Variants in SPOCK3 observed in about 807,000 individuals in gnomAD.
The protein encoded by SPOCK3 is testican-3.
SPOCK3 carries 30 observed loss-of-function variants against 56.6 expected under a neutral mutation model. That is an observed-to-expected ratio of 0.53 (90% CI 0.40 to 0.72). The LOEUF (loss-of-function observed/expected upper bound fraction) is 0.72. Ranked by LOEUF, SPOCK3 falls within the 30% of genes least tolerant of loss-of-function variation. The pLI is 0.00. For missense variants in SPOCK3, 527 were observed against 530.0 expected (o/e 0.99, Z 0.06); for synonymous variants, 196 against 183.3 (o/e 1.07, Z -0.56).
At chr4:167,096,619 T>C (rs1759178932) in intron 2 of SPOCK3, among the ~76,000 whole-genome samples, 1 of 151,988 alleles carries the variant, frequency 6.6e-6, no homozygotes, top group Non-Finnish European at 1.5e-5. Flanking sequence ...TCTGAGAACA[T>C]ATTTTCAATT....
At chr4:167,111,835 G>A (rs2150348281) in intron 2 of SPOCK3, among the ~76,000 whole-genome samples, 1 of 151,666 alleles carries the variant, frequency 6.6e-6, no homozygotes, top group African/African-American at 2.4e-5. Flanking sequence ...ACGACTCACT[G>A]CAGCCTTGAT....
intron 6 of SPOCK3, among the ~76,000 whole-genome samples, chr4:166,871,123 A>G (rs1732419792): frequency 6.6e-6 from 1 of 152,124 alleles, no homozygotes; most frequent in Non-Finnish European, 1.5e-5. Flanking sequence ...CAGTGTGAGA[A>G]TGGACTAATA....
chr4:166,962,574 G>A (rs1744256571), intron 4 of SPOCK3, among the ~76,000 whole-genome samples: 1 of 152,100 alleles, frequency 6.6e-6, no homozygotes, highest in Non-Finnish European at 1.5e-5. Flanking sequence ...AGGAAAGGAA[G>A]AGAAAGAAGA....
intron 6 of SPOCK3, among the ~76,000 whole-genome samples, chr4:166,839,113 T>C (rs983340103): frequency 7.9e-5 from 12 of 152,148 alleles, no homozygotes; most frequent in African/African-American, 2.9e-4. Flanking sequence ...GGTACTAATT[T>C]GTAAGACTCT....
intron 2 of SPOCK3, among the ~76,000 whole-genome samples, chr4:167,072,506 G>T (rs899669426): frequency 6.6e-6 from 1 of 151,732 alleles, no homozygotes; most frequent in Non-Finnish European, 1.5e-5. Flanking sequence ...AAATGAGAAA[G>T]CAATATTTAA....
intron 6 of SPOCK3, among the ~76,000 whole-genome samples, chr4:166,836,744 T>C (rs1746661928): frequency 6.6e-6 from 1 of 152,238 alleles, no homozygotes; most frequent in South Asian, 2.1e-4. Context: ...GAGTACTTTC[T>C]GACCAGGTTC....
chr4:167,058,799 A>C (rs1755218752), intron 3 of SPOCK3, among the ~76,000 whole-genome samples: 1 of 152,220 alleles, frequency 6.6e-6, no homozygotes, highest in Admixed American at 6.5e-5. Context: ...GTACCAAAAC[A>C]GAGATATAGA....
At chr4:167,094,833 T>A (rs1007200335) in intron 2 of SPOCK3, among the ~76,000 whole-genome samples, 13 of 152,086 alleles carry the variant, frequency 8.5e-5, no homozygotes, top group Non-Finnish European at 1.8e-4. Context: ...TCCAGAATAA[T>A]GTACATAGAG....
chr4:167,057,576 A>G (rs1291838280), intron 3 of SPOCK3, among the ~76,000 whole-genome samples: 2 of 152,104 alleles, frequency 1.3e-5, no homozygotes, highest in Non-Finnish European at 2.9e-5. Flanking sequence ...GGCTCAAAAT[A>G]AAAGAATGCA....
chr4:166,829,821 T>C (rs545512557), intron 6 of SPOCK3, among the ~76,000 whole-genome samples: 1 of 152,230 alleles, frequency 6.6e-6, no homozygotes, highest in African/African-American at 2.4e-5. Context: ...TGTCTAATAG[T>C]ATCTTATTAC....
chr4:167,023,841 C>T (rs915626068), intron 3 of SPOCK3, among the ~76,000 whole-genome samples: 1 of 151,976 alleles, frequency 6.6e-6, no homozygotes, highest in Non-Finnish European at 1.5e-5. Context: ...GCTGAATATC[C>T]CCCTAATGCA....
intron 4 of SPOCK3, among the ~76,000 whole-genome samples, chr4:166,935,183 C>T (rs768248437): frequency 6.6e-6 from 1 of 152,102 alleles, no homozygotes; most frequent in Non-Finnish European, 1.5e-5. Flanking sequence ...TGGGGTATGC[C>T]AAGAACAGGC....
At chr4:167,131,060 T>C (rs1467629557) in intron 2 of SPOCK3, among the ~76,000 whole-genome samples, 1 of 152,046 alleles carries the variant, frequency 6.6e-6, no homozygotes, top group African/African-American at 2.4e-5. Flanking sequence ...GTATATTAGT[T>C]GAATAAATCT....
At chr4:166,937,273 C>T (rs1267520849) in intron 4 of SPOCK3, among the ~76,000 whole-genome samples, 1 of 151,488 alleles carries the variant, frequency 6.6e-6, no homozygotes, top group East Asian at 1.9e-4. Flanking sequence ...TTTTAAAAAT[C>T]AGGAAAGTAA....
At chr4:167,182,277 C>T (rs1408776862) in intron 2 of SPOCK3, among the ~76,000 whole-genome samples, 3 of 151,882 alleles carry the variant, frequency 2.0e-5, no homozygotes, top group Admixed American at 6.6e-5. Flanking sequence ...TCTAGTTTTC[C>T]AGCAGAAAAG....
rs139591051 is a variant in SPOCK3, at chr4:167,200,896, C to T, written c.189+33089G>A. Among the ~76,000 whole-genome samples the T allele has an allele frequency of 9.0e-3, 1,364 of 152,090 alleles. 12 individuals are homozygous for T. Among genetic ancestry groups the T allele is most frequent in the Middle Eastern group, 0.017 (5 of 294 alleles). On this transcript the variant is annotated intron_variant, in intron 2 of 10. Coordinates refer to ENST00000357545, the MANE Select transcript of SPOCK3 (RefSeq NM_001040159.2). ...TATGGCATTCTTTATAGCAATTCAT[C>T]CCAAACACATCTCTTCAGCAGAAGC...
intron 7 of SPOCK3, among the ~76,000 whole-genome samples, chr4:166,790,200 T>C (rs987862607): frequency 1.8e-4 from 27 of 152,164 alleles, no homozygotes; most frequent in Non-Finnish European, 8.8e-5. Flanking sequence ...CTTACTACAT[T>C]GAGTTTAAGT....
intron 2 of SPOCK3, among the ~76,000 whole-genome samples, chr4:167,184,585 A>G (rs975767754): frequency 6.6e-6 from 1 of 152,204 alleles, no homozygotes; most frequent in African/African-American, 2.4e-5. Flanking sequence ...AGGTTAGAGA[A>G]GTAAGGAATA....
intron 7 of SPOCK3, among the ~76,000 whole-genome samples, chr4:166,763,242 C>G (rs1357501638): frequency 6.6e-6 from 1 of 151,824 alleles, no homozygotes; most frequent in African/African-American, 2.4e-5. Context: ...GGCTATGAAG[C>G]CCAGAAGACA....
Sources: gnomAD v4.1 joint callset for allele counts (sites outside exome capture counted in the v4.1 genomes callset) on GRCh38, gnomAD v4.1.1 for gene constraint, MANE v1.5 for transcripts, NCBI Gene and HGNC (gene_info 2026-07-23, HGNC 2026-07-21) for gene names.